FASTKD2: variants seen among roughly 807,000 people sequenced by gnomAD.
FASTKD2 encodes FAST kinase domains 2, also known as FAST kinase domain-containing protein 2, mitochondrial.
FASTKD2 carries 51 observed loss-of-function variants against 63.6 expected under a neutral mutation model. That is an observed-to-expected ratio of 0.80 (90% CI 0.64 to 1.01). The LOEUF is 1.01. Ranked by LOEUF, FASTKD2 falls within the 50% of genes least tolerant of loss-of-function variation. The probability of loss-of-function intolerance (pLI) is 0.00; values close to 1 mark genes in which losing one functional copy is unlikely to be tolerated. For synonymous variants in FASTKD2, 284 were observed against 293.4 expected, an observed-to-expected ratio of 0.97 and a Z score of 0.33; for missense variants, 786 against 831.1, an observed-to-expected ratio of 0.95 and a Z score of 0.67.
Position 206,786,919 on chromosome 2 carries a change from T to C in FASTKD2, c.1594+20T>C, listed in dbSNP as rs371232571. On this transcript the variant is annotated intron_variant, in intron 8 of 11. Coordinates refer to ENST00000402774, the MANE Select transcript of FASTKD2 (RefSeq NM_001136193.2). ...CATCAGGTAGGATGTTAGTGCAGAA[T>C]TGGTCACCAATTGTGACCAATTCTG... 1.5e-5 allele frequency: 24 copies of C among 1,578,430 alleles called. 1 individual carries two copies. In the African/African-American group the frequency reaches 2.7e-4, roughly 18 times the overall value.
chr2:206,786,799 A>G lies in FASTKD2; in HGVS notation c.1494A>G (p.Leu498=), dbSNP rs979179863. The change falls in exon 8 of 12, where the codon TTA becomes TTG. Residue 498 remains leucine (L), a synonymous_variant. Coordinates refer to ENST00000402774, the MANE Select transcript of FASTKD2 (RefSeq NM_001136193.2). ...TTCACACTATTTCTTCTGAAAACTTATTGGATGCAGTATATTCATTTTGCT... is the reference window on the plus strand; with the variant it reads ...TTCACACTATTTCTTCTGAAAACTTGTTGGATGCAGTATATTCATTTTGCT... ...GYLHTISSEN[L]LDAVYSFCLM... The G allele has an allele frequency of 5.6e-6, 9 of 1,613,438 alleles. No individual in the cohort carries two copies. Among genetic ancestry groups the G allele is most frequent in the Middle Eastern group, 3.3e-4 (2 of 6,078 alleles).
At position 206,774,216 on chromosome 2, in the gene FASTKD2, C is replaced by G. The variant is rs746477973; in HGVS notation, c.1255-9C>G. 1.3e-6 allele frequency: 2 copies of G among 1,596,226 alleles called. No homozygotes were observed. Among genetic ancestry groups the G allele is most frequent in the South Asian group, 2.2e-5 (2 of 90,122 alleles). ...TTATAGAGTTTTCCCTCAATTTTCT[C>G]TTTTTAAGGTTCTTTTTATCCTCAT... On this transcript the variant is annotated splice_polypyrimidine_tract_variant and intron_variant, in intron 6 of 11. Coordinates refer to ENST00000402774, the MANE Select transcript of FASTKD2 (RefSeq NM_001136193.2).
Position 206,786,782 on chromosome 2 carries a change from A to G in FASTKD2, c.1477A>G (p.Ile493Val), listed in dbSNP as rs1427446461. The G allele has an allele frequency of 3.7e-6, 6 of 1,613,758 alleles. No individual in the cohort carries two copies. Among genetic ancestry groups the G allele is most frequent in the South Asian group, 3.3e-5 (3 of 91,066 alleles). Residue 493 changes from isoleucine (I) to valine (V), a missense_variant, in exon 8 of 12, where the codon ATT becomes GTT. Coordinates refer to ENST00000402774, the MANE Select transcript of FASTKD2 (RefSeq NM_001136193.2). Reference sequence around the variant, plus strand: ...TGCTCTGACTGGTTATCTTCACACTATTTCTTCTGAAAACTTATTGGATGC... The same window carrying G: ...TGCTCTGACTGGTTATCTTCACACTGTTTCTTCTGAAAACTTATTGGATGC... ...ASALTGYLHT[I>V]SSENLLDAVY...
chr2:206,790,931 T>G, intron 11 of FASTKD2: 1 of 444,856 alleles, frequency 2.2e-6, no homozygotes, highest in South Asian at 2.5e-5. Context: ...TTTAATCCTT[T>G]TTTGCTAAGA....
chr2:206,767,484 G>T lies in FASTKD2; in HGVS notation c.777+14G>T. On this transcript the variant is annotated intron_variant, in intron 2 of 11. Coordinates refer to ENST00000402774, the MANE Select transcript of FASTKD2 (RefSeq NM_001136193.2). ...AGGGTGACCCAGGTAAAATAAAAAGGAGATTTAAACATGCATTTACTTGAT... is the reference window on the plus strand; with the variant it reads ...AGGGTGACCCAGGTAAAATAAAAAGTAGATTTAAACATGCATTTACTTGAT... The T allele has an allele frequency of 6.3e-7, 1 of 1,598,794 alleles. No individual in the cohort carries two copies.
intron 2 of FASTKD2, among the ~76,000 whole-genome samples, chr2:206,768,747 A>G (rs1269611841): frequency 6.6e-6 from 1 of 152,228 alleles, no homozygotes; most frequent in African/African-American, 2.4e-5. Flanking sequence ...CTTGGGGATA[A>G]TCTGGCATAT....
At chr2:206,776,447 T>C (rs1292591065) in intron 7 of FASTKD2, among the ~76,000 whole-genome samples, 2 of 152,012 alleles carry the variant, frequency 1.3e-5, no homozygotes, top group African/African-American at 4.8e-5. Context: ...ATTGCCTAAC[T>C]AAGCCAATGC....
chr2:206,770,079 A>G lies in FASTKD2; in HGVS notation c.778-12A>G. The G allele has an allele frequency of 6.4e-7, 1 of 1,553,092 alleles. No homozygotes were observed. Among genetic ancestry groups the G allele is most frequent in the Non-Finnish European group, 8.9e-7 (1 of 1,124,486 alleles). On this transcript the variant is annotated splice_polypyrimidine_tract_variant and intron_variant, in intron 2 of 11. Transcript: ENST00000402774. ...CATCACCTGTAGTGTTTTTGTAATT[A>G]TATTTCAATAGGAACGTATCAATGA...
At position 206,774,681 on chromosome 2, in the gene FASTKD2, G is replaced by A. The variant is rs557893246; in HGVS notation, c.1427+284G>A. 1.4e-4 allele frequency among the ~76,000 whole-genome samples: 21 copies of A among 152,052 alleles called. 1 individual carries two copies. In the East Asian group the frequency reaches 4.0e-3, roughly 29 times the overall value. ...CCCAGCTTATCCTCGTAGCTCCTAA[G>A]TTCATAGTTTATTTTAACTGTATTA... is the stretch of plus-strand genomic sequence containing the variant. On this transcript the variant is annotated intron_variant, in intron 7 of 11. Coordinates refer to ENST00000402774, the MANE Select transcript of FASTKD2 (RefSeq NM_001136193.2).
chr2:206,775,556 C>G (rs1192742085), intron 7 of FASTKD2, among the ~76,000 whole-genome samples: 1 of 150,112 alleles, frequency 6.7e-6, no homozygotes, highest in African/African-American at 2.5e-5. Flanking sequence ...AGATACTGTG[C>G]TGTAGTTTTT....
rs886055526 is a variant in FASTKD2 at position 206,796,162 on chromosome 2, A to G, written c.*4360A>G. Reference sequence around the variant, plus strand: ...ATGCACATATATATGTTATAGAATCAATAAAAATTGGATACTTTGCTTTAA... The same window carrying G: ...ATGCACATATATATGTTATAGAATCGATAAAAATTGGATACTTTGCTTTAA... On this transcript the variant is annotated 3_prime_UTR_variant, in exon 12 of 12. Coordinates refer to ENST00000402774, the MANE Select transcript of FASTKD2 (RefSeq NM_001136193.2). Among the ~76,000 whole-genome samples the G allele has an allele frequency of 6.6e-6, 1 of 152,224 alleles. No individual in the cohort carries two copies. Among genetic ancestry groups the G allele is most frequent in the Non-Finnish European group, 1.5e-5 (1 of 68,046 alleles).
At position 206,780,288 on chromosome 2, in the gene FASTKD2, G is replaced by C. The variant is rs531321012; in HGVS notation, c.1427+5891G>C. Among the ~76,000 whole-genome samples, 4 of 152,174 alleles carry C rather than the reference G, an allele frequency of 2.6e-5. No individual in the cohort carries two copies. In the East Asian group the frequency reaches 7.7e-4, roughly 29 times the overall value. ...GTCTTTAGCGTTTAGTTTAAGAAAAGACTAGTAATGACAGTTTTCCTTGGC... is the reference window on the plus strand; with the variant it reads ...GTCTTTAGCGTTTAGTTTAAGAAAACACTAGTAATGACAGTTTTCCTTGGC... On this transcript the variant is annotated intron_variant, in intron 7 of 11. Coordinates refer to ENST00000402774, the MANE Select transcript of FASTKD2 (RefSeq NM_001136193.2).
chr2:206,772,806 T>A (rs750757364), intron 6 of FASTKD2, among the ~76,000 whole-genome samples: 3 of 152,190 alleles, frequency 2.0e-5, no homozygotes, highest in Admixed American at 2.0e-4. Flanking sequence ...TATAGGTGAA[T>A]GTAAGTGTTC....
chr2:206,767,509 T>G (rs1268984374), intron 2 of FASTKD2, 39 bp downstream of exon 2: 1 of 1,519,454 alleles, frequency 6.6e-7, no homozygotes, highest in Admixed American at 1.7e-5. Context: ...ATTTACTTGA[T>G]TTAGAATATT....
rs1343731165 is a variant in FASTKD2, at chr2:206,793,504, AT to A, written c.*1704del. ...CAGGAGATCAGGCTTCTGGTTCCAGATTGGACAACCTCTAGTTTTGTATACT... is the reference window on the plus strand; with the variant it reads ...CAGGAGATCAGGCTTCTGGTTCCAGATGGACAACCTCTAGTTTTGTATACT... On this transcript the variant is annotated 3_prime_UTR_variant, in exon 12 of 12. Coordinates refer to ENST00000402774, the MANE Select transcript of FASTKD2 (RefSeq NM_001136193.2). Among the ~76,000 whole-genome samples, 1 of 152,052 alleles carries A rather than the reference AT, an allele frequency of 6.6e-6. No homozygotes were observed. The highest frequency in any genetic ancestry group is 1.5e-5 in the Non-Finnish European group (1 of 68,040).
At chr2:206,771,093 T>C in intron 3 of FASTKD2, 89 bp from the exon 4 acceptor site, 1 of 779,508 alleles carries the variant, frequency 1.3e-6, no homozygotes, top group Non-Finnish European at 2.2e-6. Flanking sequence ...TCCTTGCCTG[T>C]AAGAAGGGGC....
chr2:206,786,640 G>A, intron 7 of FASTKD2, 93 bp from the exon 8 acceptor site: 5 of 1,100,822 alleles, frequency 4.5e-6, no homozygotes, highest in South Asian at 2.5e-5. Context: ...ATACTTACTT[G>A]CAAGGCTGAT....
intron 5 of FASTKD2, 77 bp from the exon 6 acceptor site, chr2:206,772,103 AT>A: frequency 6.3e-7 from 1 of 1,593,524 alleles, no homozygotes. Context: ...CTTTGCTTTT[AT>A]ATGAAAAAAG....
In FASTKD2 at chr2:206,771,989, C is replaced by A. The variant is rs747335370; in HGVS notation, c.1086C>A (p.Leu362=). 1 of 1,613,622 alleles carries A rather than the reference C, an allele frequency of 6.2e-7. No individual in the cohort carries two copies. The highest frequency in any genetic ancestry group is 8.5e-7 in the Non-Finnish European group (1 of 1,179,576). The change falls in exon 5 of 12, where the codon CTC becomes CTA. Residue 362 remains leucine (L), a synonymous_variant. Transcript: ENST00000402774. ...LAAMNHRSLI[L]LDECSKVVLD... is the part of the protein sequence containing the mutation. ...CCATGAATCACCGATCTCTTATACT[C>A]CTGGATGAATGCAGTAAGGTGGTCC... is the stretch of plus-strand genomic sequence containing the variant.
Sources: gnomAD v4.1 joint callset for allele counts (sites outside exome capture counted in the v4.1 genomes callset) on GRCh38, gnomAD v4.1.1 for gene constraint, MANE v1.5 for transcripts, NCBI Gene and HGNC (gene_info 2026-07-23, HGNC 2026-07-21) for gene names.